The following PTPRD variants were observed in gnomAD, a reference collection of about 807,000 sequenced individuals.
The protein encoded by PTPRD is receptor-type tyrosine-protein phosphatase delta.
A neutral mutation model predicts 214.5 loss-of-function variants in PTPRD; 34 were observed. The observed-to-expected ratio is 0.16, with a 90% confidence interval of 0.12 to 0.21. The LOEUF (loss-of-function observed/expected upper bound fraction) is 0.21, where lower values mean the gene tolerates loss of function less well. Ranked by LOEUF, PTPRD falls within the 10% of genes least tolerant of loss-of-function variation. The probability of loss-of-function intolerance (pLI) is 1.00; values close to 1 mark genes in which losing one functional copy is unlikely to be tolerated. For synonymous variants in PTPRD, 1,128 were observed against 845.7 expected, an observed-to-expected ratio of 1.33 and a Z score of -5.79; for missense variants, 2,545 against 2,398.7, an observed-to-expected ratio of 1.06 and a Z score of -1.27.
chr9:10,347,712 C>T (rs1207708378), intron 2 of PTPRD, among the ~76,000 whole-genome samples: 1 of 151,804 alleles, frequency 6.6e-6, no homozygotes, highest in African/African-American at 2.4e-5. Context: ...ACCCGGCCAG[C>T]TATTTGTCTT....
chr9:8,327,884 C>A (rs1835572958), intron 44 of PTPRD, among the ~76,000 whole-genome samples: 1 of 152,108 alleles, frequency 6.6e-6, no homozygotes, highest in South Asian at 2.1e-4. Context: ...TTCCTCCATC[C>A]CTTTATTTTG....
rs12686302 is a variant in PTPRD, at chr9:9,679,061, G to A, written c.-287+55472C>T. Among the ~76,000 whole-genome samples, 37 of 151,104 alleles carry A rather than the reference G, an allele frequency of 2.4e-4. No homozygotes were observed. In the South Asian group the frequency reaches 5.6e-3, roughly 23 times the overall value. ...TAGAAATTGTCTTTAAAGCTTATTA[G>A]GGAGTCAAAATTTCAAAAGAGGAGA... On this transcript the variant is annotated intron_variant, in intron 7 of 45. Transcript: ENST00000381196.
intron 12 of PTPRD, among the ~76,000 whole-genome samples, chr9:8,650,483 T>A (rs1046097054): frequency 1.4e-5 from 2 of 146,336 alleles, no homozygotes; most frequent in African/African-American, 5.1e-5. Context: ...CGAGATCGTG[T>A]CATTGCACTC....
chr9:9,421,709 T>C (rs1259891418), intron 8 of PTPRD, among the ~76,000 whole-genome samples: 1 of 151,898 alleles, frequency 6.6e-6, no homozygotes, highest in Non-Finnish European at 1.5e-5. Flanking sequence ...CAAAAGAAAA[T>C]ATTCATGCAA....
intron 3 of PTPRD, among the ~76,000 whole-genome samples, chr9:10,301,411 G>A (rs1158650745): frequency 6.6e-6 from 1 of 152,196 alleles, no homozygotes; most frequent in Admixed American, 6.5e-5. Flanking sequence ...ACTGGACGGA[G>A]AATGAATTTG....
At chr9:9,568,753 A>T (rs961189686) in intron 8 of PTPRD, among the ~76,000 whole-genome samples, 72 of 151,878 alleles carry the variant, frequency 4.7e-4, no homozygotes, top group African/African-American at 1.7e-3. Flanking sequence ...ATGGGTAACT[A>T]AAGTTTTGAT....
chr9:9,608,592 A>C (rs2154343030), intron 7 of PTPRD, among the ~76,000 whole-genome samples: 1 of 152,324 alleles, frequency 6.6e-6, no homozygotes, highest in Middle Eastern at 3.4e-3. Flanking sequence ...AGACATGTAG[A>C]AGAACAAAAT....
At position 9,782,136 on chromosome 9, in the gene PTPRD, C is replaced by T. The variant is rs558550978; in HGVS notation, c.-367-15285G>A. ...CTTTCTCCAGAAGTATTCTTTGACT[C>T]CCGGTGGTTGCTTGGTTTCTTTTTC... On this transcript the variant is annotated intron_variant, in intron 5 of 45. Coordinates refer to ENST00000381196, the MANE Select transcript of PTPRD (RefSeq NM_002839.4). 2.2e-4 allele frequency among the ~76,000 whole-genome samples: 33 copies of T among 152,026 alleles called. 1 individual carries two copies. Among genetic ancestry groups the T allele is most frequent in the Non-Finnish European group, 4.1e-4 (28 of 67,986 alleles).
chr9:9,151,990 TATAA>T (rs2099877192), intron 10 of PTPRD, among the ~76,000 whole-genome samples: 5 of 152,196 alleles, frequency 3.3e-5, no homozygotes. Context: ...GTTTGTTGCT[TATAA>T]ATAGTTAGAT....
intron 11 of PTPRD, among the ~76,000 whole-genome samples, chr9:8,818,371 G>T (rs113884408): frequency 7.8e-4 from 119 of 152,200 alleles, no homozygotes; most frequent in African/African-American, 2.7e-3. Context: ...GGTTAATTTG[G>T]TTTAATAACT....
chr9:10,354,850 G>A (rs1435883495), intron 2 of PTPRD, among the ~76,000 whole-genome samples: 1 of 152,110 alleles, frequency 6.6e-6, no homozygotes, highest in Non-Finnish European at 1.5e-5. Context: ...TGCCGTACGT[G>A]CTTTGTGTGT....
At chr9:10,157,282 C>T (rs186458864) in intron 3 of PTPRD, among the ~76,000 whole-genome samples, 2 of 152,242 alleles carry the variant, frequency 1.3e-5, no homozygotes, top group East Asian at 3.9e-4. Context: ...TCTTTCCTTT[C>T]CATATTTAGC....
At chr9:9,053,528 A>G (rs974120595) in intron 10 of PTPRD, among the ~76,000 whole-genome samples, 10 of 152,120 alleles carry the variant, frequency 6.6e-5, no homozygotes, top group Non-Finnish European at 1.5e-5. Context: ...GAAGATACTT[A>G]TACAAAATTA....
At chr9:8,325,818 T>G (rs948242168) in intron 44 of PTPRD, among the ~76,000 whole-genome samples, 3 of 152,184 alleles carry the variant, frequency 2.0e-5, no homozygotes, top group Non-Finnish European at 4.4e-5. Context: ...GTTGGACTCC[T>G]AGGTATTTTA....
rs559326745 is a variant in PTPRD, at chr9:9,485,063, C to A, written c.-236-87581G>T. On this transcript the variant is annotated intron_variant, in intron 8 of 45. Coordinates refer to ENST00000381196, the MANE Select transcript of PTPRD (RefSeq NM_002839.4). ...TTCCCCAAAGTGCATTCAAGATAAG[C>A]CATTTGCCTCTTGCAGTTTTTGAAA... Among the ~76,000 whole-genome samples the A allele has an allele frequency of 2.6e-5, 4 of 152,252 alleles. No individual in the cohort carries two copies. In the East Asian group the frequency reaches 7.7e-4, roughly 29 times the overall value.
intron 10 of PTPRD, among the ~76,000 whole-genome samples, chr9:9,157,753 G>A (rs1446454621): frequency 6.6e-6 from 1 of 152,116 alleles, no homozygotes; most frequent in South Asian, 2.1e-4. Flanking sequence ...TACACGTCCA[G>A]GATGTGCAGG....
intron 2 of PTPRD, among the ~76,000 whole-genome samples, chr9:10,424,448 T>G (rs2154517647): frequency 6.6e-6 from 1 of 151,946 alleles, no homozygotes; most frequent in African/African-American, 2.4e-5. Flanking sequence ...TGGTCTATCA[T>G]AGAAATCTTT....
chr9:8,602,122 A>T (rs1470683213), intron 14 of PTPRD, among the ~76,000 whole-genome samples: 1 of 152,210 alleles, frequency 6.6e-6, no homozygotes, highest in Non-Finnish European at 1.5e-5. Context: ...CTCCCTCTGC[A>T]TATATTTACA....
chr9:10,289,595 C>T (rs1410751312), intron 3 of PTPRD, among the ~76,000 whole-genome samples: 1 of 151,996 alleles, frequency 6.6e-6, no homozygotes, highest in African/African-American at 2.4e-5. Context: ...TCCAACTGGT[C>T]TTTAATTAGG....
Sources: gnomAD v4.1 joint callset for allele counts (sites outside exome capture counted in the v4.1 genomes callset) on GRCh38, gnomAD v4.1.1 for gene constraint, MANE v1.5 for transcripts, NCBI Gene and HGNC (gene_info 2026-07-23, HGNC 2026-07-21) for gene names.